Variants in LRP1B observed in about 807,000 individuals in gnomAD.
LRP1B encodes low-density lipoprotein receptor-related protein 1B.
A neutral mutation model predicts 556.6 loss-of-function variants in LRP1B; 217 were observed. The observed-to-expected ratio is 0.39, with a 90% CI of 0.35 to 0.44. The LOEUF (loss-of-function observed/expected upper bound fraction) is 0.44. Ranked by LOEUF, LRP1B falls within the 20% of genes least tolerant of loss-of-function variation. The pLI is 1.00. For synonymous variants in LRP1B, 2,047 were observed against 1,865.8 expected, an observed-to-expected ratio of 1.10 and a Z score of -2.50; for missense variants, 5,053 against 5,620.8, an observed-to-expected ratio of 0.90 and a Z score of 3.23.
At chr2:140,467,103 C>T (rs1296472590) in intron 60 of LRP1B, among the ~76,000 whole-genome samples, 1 of 151,724 alleles carries the variant, frequency 6.6e-6, no homozygotes, top group African/African-American at 2.4e-5. Flanking sequence ...TGTTAATAGG[C>T]AATCCATTCA....
At chr2:140,465,305 A>T (rs1687498873) in intron 60 of LRP1B, among the ~76,000 whole-genome samples, 1 of 152,118 alleles carries the variant, frequency 6.6e-6, no homozygotes, top group Non-Finnish European at 1.5e-5. Context: ...AGCACTGGGG[A>T]TTATGATTCA....
chr2:142,052,718 T>C (rs1399364887), intron 1 of LRP1B, among the ~76,000 whole-genome samples: 4 of 152,094 alleles, frequency 2.6e-5, no homozygotes, highest in African/African-American at 7.2e-5. Flanking sequence ...CGGTCTCCCC[T>C]GGGTTTTTCT....
At chr2:141,312,625 G>A (rs557409290) in intron 3 of LRP1B, among the ~76,000 whole-genome samples, 1 of 151,940 alleles carries the variant, frequency 6.6e-6, no homozygotes, top group Non-Finnish European at 1.5e-5. Context: ...TGACTAAGTT[G>A]CATTAGTAAG....
chr2:141,457,686 C>T (rs1168298818), intron 3 of LRP1B, among the ~76,000 whole-genome samples: 1 of 152,030 alleles, frequency 6.6e-6, no homozygotes, highest in Non-Finnish European at 1.5e-5. Flanking sequence ...AGGAAATAGT[C>T]AGAAATACAT....
intron 3 of LRP1B, among the ~76,000 whole-genome samples, chr2:141,337,507 A>G (rs1013851441): frequency 6.6e-6 from 1 of 151,304 alleles, no homozygotes; most frequent in Non-Finnish European, 1.5e-5. Flanking sequence ...GTAGCTGATT[A>G]TTTTTTATAC....
intron 1 of LRP1B, among the ~76,000 whole-genome samples, chr2:142,100,271 G>T: frequency 6.6e-6 from 1 of 151,886 alleles, no homozygotes; most frequent in Admixed American, 6.6e-5. Flanking sequence ...GCATCACGCT[G>T]CAATGCTTGG....
rs536432136 is a variant in LRP1B, at chr2:141,225,619, A to G, written c.850+3564T>C. Among the ~76,000 whole-genome samples the G allele has an allele frequency of 3.9e-5, 6 of 152,314 alleles. No individual in the cohort carries two copies. In the South Asian group the frequency reaches 1.0e-3, roughly 26 times the overall value. On this transcript the variant is annotated intron_variant, in intron 6 of 90. Coordinates refer to ENST00000389484, the MANE Select transcript of LRP1B (RefSeq NM_018557.3). Reference sequence around the variant, plus strand: ...ACACCTAACTCCAAAATTATCCCCAAAGTCTGCAACTTTCAAGCTAAAATG... The same window carrying G: ...ACACCTAACTCCAAAATTATCCCCAGAGTCTGCAACTTTCAAGCTAAAATG...
intron 87 of LRP1B, among the ~76,000 whole-genome samples, chr2:140,244,801 G>A (rs1200766743): frequency 6.6e-6 from 1 of 151,212 alleles, no homozygotes; most frequent in Non-Finnish European, 1.5e-5. Flanking sequence ...GCCAACAGAG[G>A]TCCACTGATG....
At chr2:141,445,140 C>T (rs1430969552) in intron 3 of LRP1B, among the ~76,000 whole-genome samples, 3 of 152,150 alleles carry the variant, frequency 2.0e-5, no homozygotes, top group Admixed American at 6.5e-5. Context: ...TTGACTTCTT[C>T]CTGGTTTAGT....
chr2:141,653,450 G>A (rs953346202), intron 2 of LRP1B, among the ~76,000 whole-genome samples: 1 of 152,148 alleles, frequency 6.6e-6, no homozygotes, highest in African/African-American at 2.4e-5. Context: ...TATGAATTCT[G>A]CACAAAACAC....
intron 3 of LRP1B, among the ~76,000 whole-genome samples, chr2:141,264,944 C>T (rs1014701694): frequency 6.6e-6 from 1 of 152,118 alleles, no homozygotes; most frequent in African/African-American, 2.4e-5. Flanking sequence ...CAGGCAGGGC[C>T]GGAGCCCCAG....
chr2:141,770,308 C>T (rs571147291), intron 2 of LRP1B, among the ~76,000 whole-genome samples: 89 of 152,258 alleles, frequency 5.8e-4, no homozygotes, highest in African/African-American at 2.1e-3. Flanking sequence ...CAGATCATTA[C>T]ACAATAAATA....
At chr2:140,722,349 C>T (rs1030342307) in intron 35 of LRP1B, among the ~76,000 whole-genome samples, 6 of 152,112 alleles carry the variant, frequency 3.9e-5, no homozygotes, top group African/African-American at 1.2e-4. Flanking sequence ...GATACCTACC[C>T]GGAGGTAAAA....
At chr2:140,560,633 T>G (rs1680895901) in intron 43 of LRP1B, among the ~76,000 whole-genome samples, 1 of 152,198 alleles carries the variant, frequency 6.6e-6, no homozygotes, top group South Asian at 2.1e-4. Flanking sequence ...CCTAAATAAG[T>G]TATTGTATGC....
intron 18 of LRP1B, among the ~76,000 whole-genome samples, chr2:140,954,796 A>T (rs979075747): frequency 4.6e-5 from 7 of 152,026 alleles, no homozygotes; most frequent in African/African-American, 1.7e-4. Context: ...ATCATATGTG[A>T]TTAATTTTTT....
chr2:140,806,855 G>A (rs1251489331), intron 32 of LRP1B, among the ~76,000 whole-genome samples: 2 of 152,104 alleles, frequency 1.3e-5, no homozygotes, highest in Non-Finnish European at 2.9e-5. Context: ...CAAGAAATAA[G>A]ACTATTGTTT....
intron 32 of LRP1B, among the ~76,000 whole-genome samples, chr2:140,809,751 T>A (rs568373003): frequency 2.0e-5 from 3 of 152,314 alleles, no homozygotes; most frequent in East Asian, 3.9e-4. Flanking sequence ...GGTTCTGGTT[T>A]GGAGTATCCC....
At chr2:140,527,616 CACA>C (rs377750410) in intron 47 of LRP1B, among the ~76,000 whole-genome samples, 150 of 151,866 alleles carry the variant, frequency 9.9e-4, no homozygotes, top group African/African-American at 3.5e-3. Flanking sequence ...AAAATGATAA[CACA>C]ACATGTGAAA....
intron 3 of LRP1B, among the ~76,000 whole-genome samples, chr2:141,437,632 G>T (rs993220091): frequency 6.6e-6 from 1 of 151,652 alleles, no homozygotes; most frequent in Non-Finnish European, 1.5e-5. Context: ...TTATCATTCT[G>T]GGGGAAAAAA....
Sources: gnomAD v4.1 joint callset for allele counts (sites outside exome capture counted in the v4.1 genomes callset) on GRCh38, gnomAD v4.1.1 for gene constraint, MANE v1.5 for transcripts, NCBI Gene and HGNC (gene_info 2026-07-23, HGNC 2026-07-21) for gene names.